The following KHDRBS2 variants were observed in gnomAD, a reference collection of about 807,000 sequenced individuals.
The protein encoded by KHDRBS2 is KH RNA binding domain containing, signal transduction associated 2.
In KHDRBS2, 26 loss-of-function variants were observed where a neutral mutation model predicts 44.3. That is an observed-to-expected ratio of 0.59 (90% CI 0.43 to 0.81). KHDRBS2 has a LOEUF of 0.81. Ranked by LOEUF, KHDRBS2 falls within the 40% of genes least tolerant of loss-of-function variation. The probability of loss-of-function intolerance (pLI) is 0.00; values close to 1 mark genes in which losing one functional copy is unlikely to be tolerated. For missense variants in KHDRBS2, 476 were observed against 433.1 expected (o/e 1.10, Z -0.88); for synonymous variants, 194 against 151.1 (o/e 1.28, Z -2.08).
At chr6:62,205,443 CA>C (rs1827784858) in intron 1 of KHDRBS2, among the ~76,000 whole-genome samples, 1 of 152,068 alleles carries the variant, frequency 6.6e-6, no homozygotes, top group Admixed American at 6.6e-5. Flanking sequence ...GATTCAATGA[CA>C]ACACAAAGTA....
intron 2 of KHDRBS2, among the ~76,000 whole-genome samples, chr6:62,153,014 A>G (rs1406763003): frequency 9.2e-5 from 14 of 152,246 alleles, no homozygotes; most frequent in African/African-American, 3.4e-4. Flanking sequence ...ACTGGTGATT[A>G]CGTATGTGAA....
intron 3 of KHDRBS2, among the ~76,000 whole-genome samples, chr6:61,999,756 G>C (rs879266999): frequency 3.3e-5 from 5 of 151,902 alleles, no homozygotes; most frequent in Non-Finnish European, 7.4e-5. Context: ...TTATGAAAAG[G>C]CATCTTTGTC....
the KHDRBS2 span, among the ~76,000 whole-genome samples, chr6:61,638,455 T>C: frequency 6.6e-6 from 1 of 152,138 alleles, no homozygotes. Context: ...GCTAGCCATA[T>C]ATAGAAAGCT....
At chr6:61,877,447 TTG>T (rs1799582257) in intron 6 of KHDRBS2, among the ~76,000 whole-genome samples, 2 of 151,520 alleles carry the variant, frequency 1.3e-5, no homozygotes, top group African/African-American at 4.8e-5. Context: ...TTTTTTGTTT[TTG>T]TTTTTGTTTT....
intron 3 of KHDRBS2, among the ~76,000 whole-genome samples, chr6:62,031,591 A>G (rs1006801635): frequency 2.0e-5 from 3 of 152,086 alleles, no homozygotes; most frequent in African/African-American, 7.2e-5. Context: ...AAATATATCA[A>G]TGGTAGTCTG....
the KHDRBS2 span, among the ~76,000 whole-genome samples, chr6:61,636,511 C>A: frequency 2.0e-5 from 3 of 152,070 alleles, no homozygotes; most frequent in African/African-American, 7.2e-5. Context: ...ATAGGACTTT[C>A]CATCTAATCT....
At chr6:62,161,429 G>T (rs1265013522) in intron 2 of KHDRBS2, among the ~76,000 whole-genome samples, 2 of 151,092 alleles carry the variant, frequency 1.3e-5, no homozygotes, top group South Asian at 2.1e-4. Flanking sequence ...CATAGTATTA[G>T]ATATTATAAA....
In KHDRBS2 at chr6:61,975,529, G is replaced by A. The variant is rs535348706; in HGVS notation, c.483+2537C>T. On this transcript the variant is annotated intron_variant, in intron 4 of 8. Transcript: ENST00000281156. ...CTTTGCTTTCTGCTGATGCAAGCAA[G>A]GCAAATGGGATAAATTTATGACTTT... 4.6e-5 allele frequency among the ~76,000 whole-genome samples: 7 copies of A among 152,160 alleles called. No individual in the cohort carries two copies. The East Asian group carries it at 1.4e-3, about 29-fold the overall frequency.
At chr6:61,885,631 C>A (rs1173138405) in intron 6 of KHDRBS2, among the ~76,000 whole-genome samples, 3 of 152,156 alleles carry the variant, frequency 2.0e-5, no homozygotes, top group Admixed American at 6.5e-5. Flanking sequence ...TAAACCCAAA[C>A]TAAATGAATT....
At chr6:62,207,605 A>G (rs1177538283) in intron 1 of KHDRBS2, among the ~76,000 whole-genome samples, 2 of 152,152 alleles carry the variant, frequency 1.3e-5, no homozygotes, top group Non-Finnish European at 2.9e-5. Flanking sequence ...AAACAAGAAC[A>G]TTTAATAGGA....
chr6:61,783,345 G>A (rs755655558), intron 6 of KHDRBS2, among the ~76,000 whole-genome samples: 2 of 151,954 alleles, frequency 1.3e-5, no homozygotes, highest in African/African-American at 2.4e-5. Flanking sequence ...CTTTCTATAA[G>A]AGGTACAAGT....
intron 2 of KHDRBS2, among the ~76,000 whole-genome samples, chr6:62,169,275 G>T (rs1459475334): frequency 2.0e-5 from 3 of 150,628 alleles, no homozygotes; most frequent in Non-Finnish European, 4.4e-5. Context: ...TCCTTGCAAA[G>T]CTGGGCTAAC....
At chr6:62,243,365 A>G (rs1835010952) in intron 1 of KHDRBS2, among the ~76,000 whole-genome samples, 2 of 152,064 alleles carry the variant, frequency 1.3e-5, no homozygotes, top group South Asian at 4.1e-4. Context: ...TTCAATTTCA[A>G]ATTTACAATG....
At chr6:62,185,097 T>C (rs1823155994) in intron 1 of KHDRBS2, among the ~76,000 whole-genome samples, 1 of 151,952 alleles carries the variant, frequency 6.6e-6, no homozygotes. Context: ...ATGATGTTAT[T>C]ATAACGATTA....
intron 2 of KHDRBS2, among the ~76,000 whole-genome samples, chr6:62,096,427 A>G (rs1800617355): frequency 6.6e-6 from 1 of 151,780 alleles, no homozygotes; most frequent in South Asian, 2.1e-4. Flanking sequence ...AAGATTATCT[A>G]TTTATTCATG....
At chr6:62,097,505 T>G (rs1800881265) in intron 2 of KHDRBS2, among the ~76,000 whole-genome samples, 1 of 152,108 alleles carries the variant, frequency 6.6e-6, no homozygotes, top group South Asian at 2.1e-4. Context: ...TTTTACAGTT[T>G]TATATTTAGA....
intron 6 of KHDRBS2, among the ~76,000 whole-genome samples, chr6:61,802,145 GA>G (rs1345630285): frequency 6.6e-6 from 1 of 152,090 alleles, no homozygotes; most frequent in Non-Finnish European, 1.5e-5. Context: ...ACTGAACTAA[GA>G]AAATGAATTC....
At chr6:61,865,452 C>A (rs1189580687) in intron 6 of KHDRBS2, among the ~76,000 whole-genome samples, 1 of 151,998 alleles carries the variant, frequency 6.6e-6, no homozygotes, top group East Asian at 1.9e-4. Flanking sequence ...CAGGGGAACT[C>A]CTCATTATAA....
At chr6:62,030,226 C>A (rs1381291140) in intron 3 of KHDRBS2, among the ~76,000 whole-genome samples, 1 of 152,136 alleles carries the variant, frequency 6.6e-6, no homozygotes. Flanking sequence ...AAGAATCTTG[C>A]AGCATCTGTT....
Sources: gnomAD v4.1 joint callset for allele counts (sites outside exome capture counted in the v4.1 genomes callset) on GRCh38, gnomAD v4.1.1 for gene constraint, MANE v1.5 for transcripts, NCBI Gene and HGNC (gene_info 2026-07-23, HGNC 2026-07-21) for gene names.